The following SMC1A variants were observed in gnomAD, a reference collection of about 807,000 sequenced individuals.
The protein encoded by SMC1A is structural maintenance of chromosomes 1A.
In SMC1A, 4 loss-of-function variants were observed where a neutral mutation model predicts 94.5. That is an observed-to-expected ratio of 0.04 (90% CI 0.02 to 0.10). The LOEUF (loss-of-function observed/expected upper bound fraction) is 0.10. Ranked by LOEUF, SMC1A falls within the 10% of genes least tolerant of loss-of-function variation. SMC1A has a pLI of 1.00. For missense variants in SMC1A, 304 were observed against 989.0 expected (o/e 0.31, Z 9.29); for synonymous variants, 345 against 347.7 (o/e 0.99, Z 0.09).
chrX:53,408,985 T>A, intron 9 of SMC1A, 77 bp downstream of exon 9: 2 of 1,012,517 alleles, frequency 2.0e-6, no homozygotes, highest in Non-Finnish European at 2.8e-6. Flanking sequence ...GGCAACCCTG[T>A]CCTTACAGGG....
rs1300915331 is a variant in SMC1A, at chrX:53,422,360, C to G, written c.109+132G>C. On this transcript the variant is annotated intron_variant, in intron 1 of 24. Coordinates refer to ENST00000322213, the MANE Select transcript of SMC1A (RefSeq NM_006306.4). ...GGGGAGAGTGGGTTCGAGCAGAACC[C>G]CCTCTGGACGGGCAAGGAACCCGTA... 3 of 515,776 alleles carry G rather than the reference C, an allele frequency of 5.8e-6. No individual in the cohort carries two copies. The Admixed American group carries it at 8.2e-5, about 14-fold the overall frequency. 42.5% of individuals were successfully genotyped at this position (515,776 alleles called of 1,213,427 possible).
rs782623381 is a variant in SMC1A at position 53,421,974 on chromosome X, T to A, written c.109+518A>T. On this transcript the variant is annotated intron_variant, in intron 1 of 24. Transcript: ENST00000322213. ...GAGCGCTGGGTCTGAAATTCAAAAGTGCCGCCTCCAGAGAAGAGTAGAAAG... is the reference window on the plus strand; with the variant it reads ...GAGCGCTGGGTCTGAAATTCAAAAGAGCCGCCTCCAGAGAAGAGTAGAAAG... 7.5e-6 allele frequency: 9 copies of A among 1,207,513 alleles called. No homozygotes were observed. The African/African-American group carries it at 1.4e-4, about 19-fold the overall frequency.
intron 9 of SMC1A, 105 bp downstream of exon 9, chrX:53,408,957 A>G: frequency 3.9e-6 from 3 of 779,101 alleles, no homozygotes; most frequent in Non-Finnish European, 5.8e-6. Context: ...CATTTCCCCC[A>G]ACAATAAAAA....
chrX:53,394,754 C>A, intron 19 of SMC1A, 24 bp downstream of exon 19: 3 of 794,702 alleles, frequency 3.8e-6, no homozygotes, highest in South Asian at 4.3e-5. Flanking sequence ...CCACCCCCAC[C>A]ACACCCCTGT....
rs1312716558 is a variant in SMC1A, at chrX:53,380,699, C to G, written c.3539G>C (p.Cys1180Ser). 5 of 1,208,063 alleles carry G rather than the reference C, an allele frequency of 4.1e-6. No homozygotes were observed. In the East Asian group the frequency reaches 1.2e-4, roughly 29 times the overall value. Residue 1180 changes from cysteine (C) to serine (S), a missense_variant, in exon 24 of 25, where the codon TGC becomes TCC. Physicochemically the swap from Cys to Ser is moderately radical, Grantham distance 112. This residue lies in a region of SMC1A where 24 missense variants were observed against 43.5 expected (regional missense o/e 0.55). Transcript: ENST00000322213. ...VANYIKEQST[C>S]NFQAIVISLK... ...AGAGATGACGATGGCCTGGAAGTTG[C>G]AAGTCGACTGCTCCTTGATGTAATT...
intron 1 of SMC1A, among the ~76,000 whole-genome samples, chrX:53,420,272 C>T (rs781946889): frequency 2.7e-5 from 3 of 111,536 alleles, no homozygotes; most frequent in Non-Finnish European, 5.6e-5. Context: ...GCCTGTAATC[C>T]CAGCACTTTG....
rs374124132 is a variant in SMC1A, at chrX:53,403,897, C to T, written c.2197-4G>A. On this transcript the variant is annotated splice_region_variant and splice_polypyrimidine_tract_variant and intron_variant, in intron 13 of 24. Coordinates refer to ENST00000322213, the MANE Select transcript of SMC1A (RefSeq NM_006306.4). ...CACTCTCCAGCTTGGATTTTTCCTA[C>T]AGGCAATGGGTTGAGAGGACAAAGC... 1 of 1,167,227 alleles carries T rather than the reference C, an allele frequency of 8.6e-7. No individual in the cohort carries two copies.
At chrX:53,383,752 C>A (rs1207646442) in intron 19 of SMC1A, among the ~76,000 whole-genome samples, 1 of 112,626 alleles carries the variant, frequency 8.9e-6, no homozygotes, top group East Asian at 2.8e-4. Flanking sequence ...TGGGCTTGTG[C>A]CTTTCTGCCA....
At chrX:53,394,018 G>A (rs782065621) in intron 19 of SMC1A, among the ~76,000 whole-genome samples, 24 of 108,617 alleles carry the variant, frequency 2.2e-4, no homozygotes, top group African/African-American at 7.4e-4. Flanking sequence ...GCATGATGGC[G>A]GGCACCTGTA....
At position 53,412,050 on chromosome X, in the gene SMC1A, C is replaced by T. The variant is rs2146604742; in HGVS notation, c.1058G>A (p.Arg353Gln). Residue 353 changes from arginine to glutamine, a missense_variant, in exon 6 of 25, where the codon CGG (arginine) becomes CAG (glutamine). Around this residue, in one of 11 missense-constraint regions of SMC1A, gnomAD observed 120 missense variants for 314.9 expected, o/e 0.38. Transcript: ENST00000322213. ...CTGACTCTGACTCTCTTCTTCCATC[C>T]GTTCTTCAAACTCCTGCCGAGCCTT... is the stretch of plus-strand genomic sequence containing the variant. ...VEKARQEFEERMEEESQSQGR... is the reference protein window; with the variant it reads ...VEKARQEFEEQMEEESQSQGR... 1.7e-6 allele frequency: 2 copies of T among 1,209,351 alleles called. No individual in the cohort carries two copies. The highest frequency in any genetic ancestry group is 1.7e-5 in the African/African-American group (1 of 57,258).
chrX:53,415,580 T>A (rs1315122262), intron 1 of SMC1A, among the ~76,000 whole-genome samples: 1 of 109,022 alleles, frequency 9.2e-6, no homozygotes, highest in Non-Finnish European at 1.9e-5. Flanking sequence ...GGCAGGAGAA[T>A]TCCTTGAACC....
intron 15 of SMC1A, among the ~76,000 whole-genome samples, chrX:53,402,271 T>A (rs782658928): frequency 9.0e-6 from 1 of 110,993 alleles, no homozygotes; most frequent in South Asian, 3.8e-4. Context: ...GACTGTGTTG[T>A]GTTCATCTGT....
intron 16 of SMC1A, among the ~76,000 whole-genome samples, chrX:53,398,326 A>AC (rs1350314123): frequency 9.0e-6 from 1 of 111,377 alleles, no homozygotes; most frequent in Non-Finnish European, 1.9e-5. Flanking sequence ...AGGCCAAATC[A>AC]CCTCAGGAGG....
chrX:53,403,731 A>T, intron 14 of SMC1A, 46 bp downstream of exon 14: 24 of 1,176,287 alleles, frequency 2.0e-5, no homozygotes, highest in Non-Finnish European at 2.8e-5. Context: ...TTCCAGTCCC[A>T]GTCCTGCCCT....
chrX:53,388,604 C>T (rs2075614257), intron 19 of SMC1A, among the ~76,000 whole-genome samples: 1 of 108,530 alleles, frequency 9.2e-6, no homozygotes, highest in Non-Finnish European at 1.9e-5. Context: ...ATATAGTTCA[C>T]ACATTGAAAT....
At chrX:53,415,659 T>A (rs1602414749) in intron 1 of SMC1A, among the ~76,000 whole-genome samples, 1 of 94,158 alleles carries the variant, frequency 1.1e-5, no homozygotes, top group African/African-American at 4.1e-5. Flanking sequence ...AGAGCGAGAC[T>A]CCATCTCAAA....
At chrX:53,388,027 T>C (rs782348786) in intron 19 of SMC1A, among the ~76,000 whole-genome samples, 11 of 111,738 alleles carry the variant, frequency 9.8e-5, no homozygotes, top group African/African-American at 2.6e-4. Flanking sequence ...TCTCTCTTTA[T>C]AGTATTCCAG....
At chrX:53,409,356 G>A in intron 8 of SMC1A, 65 bp downstream of exon 8, 2 of 1,139,778 alleles carry the variant, frequency 1.8e-6, no homozygotes, top group East Asian at 3.0e-5. Flanking sequence ...GCATGAAGAG[G>A]GGCATGTAGG....
chrX:53,419,823 C>CA (rs782629535), intron 1 of SMC1A, among the ~76,000 whole-genome samples: 4,870 of 70,069 alleles, frequency 0.07, 332 homozygotes, highest in African/African-American at 0.21. Flanking sequence ...GACTTCATCT[C>CA]AAAAAAAAAA....
Sources: allele counts gnomAD v4.1 joint callset (sites outside exome capture counted in the v4.1 genomes callset), GRCh38; gene constraint gnomAD v4.1.1; regional missense constraint gnomAD v4.1.1; transcripts MANE v1.5; gene names NCBI Gene and HGNC (gene_info 2026-07-23, HGNC 2026-07-21).